The following SPATA1 variants were observed in gnomAD, a reference collection of about 807,000 sequenced individuals.
SPATA1 encodes spermatogenesis associated 1, also known as spermatogenesis-associated protein 1.
In SPATA1, 57 loss-of-function variants were observed where a neutral mutation model predicts 59.6. The ratio of observed to expected loss-of-function variants is 0.96; its 90% CI spans 0.77 to 1.19. SPATA1 has a LOEUF of 1.19. Among genes scored for constraint, SPATA1 ranks in the 50% most tolerant of loss-of-function variants. SPATA1 has a pLI of 0.00. For synonymous variants in SPATA1, 147 were observed against 163.9 expected (o/e 0.90, Z 0.79); for missense variants, 448 against 480.7 (o/e 0.93, Z 0.64).
chr1:84,545,229 A>G (rs1290134506), intron 9 of SPATA1, among the ~76,000 whole-genome samples: 1 of 148,460 alleles, frequency 6.7e-6, no homozygotes, highest in Non-Finnish European at 1.5e-5. Context: ...AAAAATATAT[A>G]TATATTTATA....
chr1:84,525,561 G>A lies in SPATA1; in HGVS notation c.262-135G>A. The stretch of plus-strand genomic sequence containing the variant: ...AGTAACATTATATTCTACATTTCTA[G>A]AATCTAGCCATAGCTTTTAAATTTG... On this transcript the variant is annotated intron_variant, in intron 4 of 12. Coordinates refer to ENST00000490879, the Ensembl canonical transcript of SPATA1. The A allele has an allele frequency of 4.6e-6, 3 of 646,672 alleles. No homozygotes were observed. The South Asian group carries it at 6.8e-5, about 15-fold the overall frequency. 40.1% of individuals were successfully genotyped at this position (646,672 alleles called of 1,614,324 possible). A position where few individuals can be genotyped will look rare whatever the true frequency, so the allele number is the denominator to read the frequency against.
chr1:84,517,852 A>G (rs181700111), intron 2 of SPATA1, among the ~76,000 whole-genome samples: 1 of 152,194 alleles, frequency 6.6e-6, no homozygotes, highest in East Asian at 1.9e-4. Flanking sequence ...CAGTAGCTTC[A>G]TAACAAGTTC....
intron 2 of SPATA1, among the ~76,000 whole-genome samples, chr1:84,518,846 C>T (rs1029509130): frequency 2.0e-5 from 3 of 152,028 alleles, no homozygotes; most frequent in African/African-American, 7.2e-5. Flanking sequence ...TTCTCCATCC[C>T]ATATCTTCCC....
chr1:84,549,025 A>C (rs1684189938), intron 11 of SPATA1, 61 bp downstream of exon 11: 2 of 1,385,436 alleles, frequency 1.4e-6, no homozygotes, highest in Non-Finnish European at 1.9e-6. Flanking sequence ...ATGCTTTATA[A>C]GTGCTAGTAG....
intron 1 of SPATA1, among the ~76,000 whole-genome samples, chr1:84,514,694 A>C (rs1370920404): frequency 2.0e-5 from 3 of 152,132 alleles, no homozygotes; most frequent in African/African-American, 7.2e-5. Context: ...TGGGACGGGC[A>C]CAGTGGTGGC....
At chr1:84,517,003 AT>A (rs1170898032) in intron 2 of SPATA1, among the ~76,000 whole-genome samples, 2 of 151,796 alleles carry the variant, frequency 1.3e-5, no homozygotes, top group African/African-American at 2.4e-5. Context: ...CCTTCTCTCT[AT>A]TTTCTCTTAA....
chr1:84,508,353 T>C (rs942648343), intron 1 of SPATA1, among the ~76,000 whole-genome samples: 7 of 152,252 alleles, frequency 4.6e-5, no homozygotes, highest in African/African-American at 7.2e-5. Context: ...CCAGTAAATA[T>C]AGTTTATGAA....
downstream of SPATA1, among the ~76,000 whole-genome samples, chr1:84,557,565 AAAG>A (rs1394211454): frequency 1.3e-5 from 2 of 149,996 alleles, no homozygotes; most frequent in East Asian, 1.9e-4. Context: ...AAAAAAAAAA[AAAG>A]AAGGAGGCTG....
intron 4 of SPATA1, among the ~76,000 whole-genome samples, chr1:84,562,483 A>G (rs1178292407): frequency 6.6e-6 from 1 of 152,248 alleles, no homozygotes; most frequent in East Asian, 1.9e-4. Flanking sequence ...GTACCAGACC[A>G]TTAATTAAGC....
intron 10 of SPATA1, 55 bp downstream of exon 10, chr1:84,545,814 A>G: frequency 8.1e-7 from 1 of 1,241,898 alleles, no homozygotes; most frequent in South Asian, 2.2e-5. Flanking sequence ...GTTTTACAGA[A>G]TTGATCCTTT....
intron 8 of SPATA1, among the ~76,000 whole-genome samples, chr1:84,540,900 CATATTTATTTACTCTCTGGCCCTT>C (rs1276396604): frequency 3.9e-5 from 6 of 152,164 alleles, no homozygotes; most frequent in Non-Finnish European, 7.4e-5. Flanking sequence ...GTGGCCCAGA[CATATTTATTTACTCTCTGGCCCTT>C]TACAGAAAAA....
intron 4 of SPATA1, among the ~76,000 whole-genome samples, chr1:84,564,901 T>C (rs1048461850): frequency 6.6e-6 from 1 of 151,910 alleles, no homozygotes; most frequent in African/African-American, 2.4e-5. Flanking sequence ...TAGCTGGGCA[T>C]GGTGGTGCAT....
At chr1:84,544,958 T>G (rs377077555) in intron 9 of SPATA1, among the ~76,000 whole-genome samples, 2 of 150,460 alleles carry the variant, frequency 1.3e-5, no homozygotes, top group South Asian at 2.2e-4. Context: ...ATGCCTGTAA[T>G]CCCACACTTT....
intron 9 of SPATA1, 43 bp downstream of exon 9, chr1:84,544,347 A>G (rs748137826): frequency 2.1e-6 from 3 of 1,410,868 alleles, no homozygotes; most frequent in South Asian, 2.5e-5. Context: ...TCTGTGAGGT[A>G]AAGTAAATAA....
downstream of SPATA1, among the ~76,000 whole-genome samples, chr1:84,558,827 A>G (rs187475665): frequency 1.7e-3 from 259 of 152,086 alleles, 1 homozygote; most frequent in African/African-American, 5.3e-3. Context: ...CTTGAGCCCA[A>G]GAGGTCAAGG....
intron 7 of SPATA1, 27 bp downstream of exon 7, chr1:84,533,001 A>C: frequency 7.0e-7 from 1 of 1,427,522 alleles, no homozygotes; most frequent in South Asian, 1.3e-5. Context: ...CTGATTCCAC[A>C]TGCCATAATC....
intron 1 of SPATA1, chr1:84,506,730 C>T (rs1433330152): frequency 6.5e-6 from 1 of 152,734 alleles, no homozygotes; most frequent in African/African-American, 2.4e-5. Context: ...CCCGCTGACC[C>T]GAGGCGGAGA....
At chr1:84,521,366 T>C (rs535133086) in intron 3 of SPATA1, among the ~76,000 whole-genome samples, 17 of 152,360 alleles carry the variant, frequency 1.1e-4, no homozygotes, top group African/African-American at 4.1e-4. Flanking sequence ...GTGATCTGAC[T>C]GCCTGTTGTT....
At chr1:84,507,693 A>G (rs1682332461) in intron 1 of SPATA1, among the ~76,000 whole-genome samples, 1 of 152,224 alleles carries the variant, frequency 6.6e-6, no homozygotes, top group South Asian at 2.1e-4. Flanking sequence ...TATCTATTCA[A>G]AGAATGATCT....
Sources: allele counts gnomAD v4.1 joint callset (sites outside exome capture counted in the v4.1 genomes callset), GRCh38; gene constraint gnomAD v4.1.1; transcripts MANE v1.5; gene names NCBI Gene and HGNC (gene_info 2026-07-23, HGNC 2026-07-21).